The following DOK4 variants were observed in gnomAD, a reference collection of about 807,000 sequenced individuals.
The protein encoded by DOK4 is downstream of tyrosine kinase 4.
In DOK4, 26 loss-of-function variants were observed where a neutral mutation model predicts 40.1. The observed-to-expected ratio is 0.65, with a 90% CI of 0.48 to 0.90. The LOEUF is 0.90. Ranked by LOEUF, DOK4 falls within the 40% of genes least tolerant of loss-of-function variation. The probability of loss-of-function intolerance (pLI) is 0.00; values close to 1 mark genes in which losing one functional copy is unlikely to be tolerated. For synonymous variants in DOK4, 179 were observed against 177.0 expected, an observed-to-expected ratio of 1.01 and a Z score of -0.09; for missense variants, 392 against 437.2, an observed-to-expected ratio of 0.90 and a Z score of 0.92.
In DOK4 at chr16:57,475,837, C is replaced by T. The variant is rs770882184; in HGVS notation, c.174+13G>A. The stretch of plus-strand genomic sequence containing the variant: ...CCTGCCACTTGGGGGAGCTAGGGCC[C>T]AGGCCTCCTAACCTTGGGGCAGCCC... On this transcript the variant is annotated intron_variant, in intron 3 of 8. Coordinates refer to ENST00000340099, the Ensembl canonical transcript of DOK4. 9.9e-6 allele frequency: 16 copies of T among 1,609,576 alleles called. No homozygotes were observed. In the South Asian group the frequency reaches 1.8e-4, roughly 18 times the overall value.
At position 57,479,348 on chromosome 16, in the gene DOK4, C is replaced by T; in HGVS notation, c.66+94G>A. 2.2e-6 allele frequency: 3 copies of T among 1,389,440 alleles called. 1 individual carries two copies. The South Asian group carries it at 3.7e-5, about 17-fold the overall frequency. 86.1% of individuals were successfully genotyped at this position (1,389,440 alleles called of 1,614,324 possible). The stretch of plus-strand genomic sequence containing the variant: ...ACGATGCCCGGCAGCCGGAGGGCAG[C>T]CGCGTGCCCCACGCGCCATGCCTCC... On this transcript the variant is annotated intron_variant, in intron 2 of 8. Transcript: ENST00000340099. This position sits in a 1 kb window ranked among gnomAD's most constrained non-coding sequence, Gnocchi z 5.8.
chr16:57,476,782 AC>A (rs2031199789), intron 2 of DOK4, among the ~76,000 whole-genome samples: 2 of 152,144 alleles, frequency 1.3e-5, no homozygotes, highest in Non-Finnish European at 2.9e-5. Context: ...ATGCCCCTGT[AC>A]CTTAAACTAC....
chr16:57,475,276 GCC>G lies in DOK4; in HGVS notation c.290-59_290-58del. On this transcript the variant is annotated intron_variant, in intron 4 of 8. Coordinates refer to ENST00000340099, the Ensembl canonical transcript of DOK4. The stretch of plus-strand genomic sequence containing the variant: ...CAGAGCCCGGTAGCCCACCCCGTCT[GCC>G]CAGCCTGACTTATGCCACCATGCAC... The G allele has an allele frequency of 2.5e-6, 4 of 1,582,500 alleles. No individual in the cohort carries two copies. The South Asian group carries it at 4.6e-5, about 18-fold the overall frequency.
intron 1 of DOK4, among the ~76,000 whole-genome samples, chr16:57,483,062 C>T (rs2031460068): frequency 6.6e-6 from 1 of 152,194 alleles, no homozygotes. Context: ...TCACTCCGGC[C>T]CTGAGTCACA....
chr16:57,486,521 G>C (rs1400013931), upstream of DOK4: 1 of 151,446 alleles, frequency 6.6e-6, no homozygotes, highest in Non-Finnish European at 1.5e-5. Flanking sequence ...GCCAGGTCTC[G>C]CCGCTGCGCC....
chr16:57,479,731 T>C lies in DOK4; in HGVS notation c.-181-43A>G, dbSNP rs542833683. On this transcript the variant is annotated intron_variant, in intron 1 of 8. Transcript: ENST00000340099. The surrounding 1 kb of genome is among the most constrained non-coding windows in gnomAD (Gnocchi z 5.8). ...AGGGAGATTAGAGACAGTGACATCT[T>C]TCTCTTCCTCTCGCTGTCTCGCTCT... 3 of 485,314 alleles carry C rather than the reference T, an allele frequency of 6.2e-6. No individual in the cohort carries two copies. The allele number at this position is 485,314 out of a possible 1,614,324, so 30.1% of individuals were successfully genotyped here.
chr16:57,474,088 T>TG (rs1195958334), intron 6 of DOK4, 49 bp from the exon 7 acceptor site: 1 of 1,606,800 alleles, frequency 6.2e-7, no homozygotes, highest in Non-Finnish European at 8.5e-7. Context: ...ACCACAGACA[T>TG]GCATGTGATT....
intron 1 of DOK4, among the ~76,000 whole-genome samples, chr16:57,480,604 T>A (rs2031380237): frequency 6.6e-6 from 1 of 151,998 alleles, no homozygotes; most frequent in South Asian, 2.1e-4. Flanking sequence ...GTCCTGAGCA[T>A]GGGCAGGAGT....
exon 3 of DOK4, chr16:57,475,950 C>T (rs759446520): frequency 8.1e-6 from 13 of 1,612,678 alleles, no homozygotes; most frequent in African/African-American, 8.0e-5. Flanking sequence ...CCAGCACCTC[C>T]GGTAGATCTG....
Position 57,479,501 on chromosome 16 carries a change from T to G in DOK4, c.7A>C (p.Thr3Pro). The change falls in exon 2 of 9, where the codon ACC becomes CCC. Residue 3 changes from threonine (T) to proline (P), a missense_variant. Physicochemically the swap from Thr to Pro is conservative, Grantham distance 38. Coordinates refer to ENST00000340099, the Ensembl canonical transcript of DOK4. The surrounding 1 kb of genome is among the most constrained non-coding windows in gnomAD (Gnocchi z 5.8). ...TGCTTGACGATGTCACTGAAATTGG[T>G]CGCCATGGTTTTCCCACCTTTTAGG... is the stretch of plus-strand genomic sequence containing the variant. 1 of 1,613,560 alleles carries G rather than the reference T, an allele frequency of 6.2e-7. No homozygotes were observed. The highest frequency in any genetic ancestry group is 8.5e-7 in the Non-Finnish European group (1 of 1,179,864).
At chr16:57,473,677 C>T (rs775166583) in exon 8 of DOK4, 27 of 1,614,070 alleles carry the variant, frequency 1.7e-5, no homozygotes, top group South Asian at 5.5e-5. Context: ...AGGCACTGCG[C>T]GGCAGCATGG....
In DOK4 at chr16:57,475,197, G is replaced by C; in HGVS notation, c.312C>G (p.Tyr104Ter). The C allele has an allele frequency of 1.2e-6, 2 of 1,613,806 alleles. No individual in the cohort carries two copies. The highest frequency in any genetic ancestry group is 1.7e-6 in the Non-Finnish European group (2 of 1,179,888). ...CCAGACACTCCACAGATAGTGTCTTGTACCACTCCTCTGCCTCTAGCTCTG... is the reference window on the plus strand; with the variant it reads ...CCAGACACTCCACAGATAGTGTCTTCTACCACTCCTCTGCCTCTAGCTCTG... Residue 104 changes from tyrosine (Y) to a stop codon, truncating the protein, a stop_gained, in exon 5 of 9, where the codon TAC (tyrosine) becomes TAG (stop). Coordinates refer to ENST00000340099, the Ensembl canonical transcript of DOK4. LOFTEE classifies it high-confidence loss of function.
intron 1 of DOK4, among the ~76,000 whole-genome samples, chr16:57,482,363 GTT>G (rs11390639): frequency 2.0e-4 from 19 of 93,034 alleles, no homozygotes; most frequent in Admixed American, 7.7e-4. Flanking sequence ...TGGGGCTTTT[GTT>G]TTTTTTTTTT....
chr16:57,475,048 T>C (rs477025), intron 5 of DOK4, 52 bp downstream of exon 5: 805,550 of 1,590,160 alleles, frequency 0.51, 206,236 homozygotes, highest in Non-Finnish European at 0.53. Flanking sequence ...CTCCCTCCCT[T>C]CCTCTCTTCC....
exon 9 of DOK4, chr16:57,472,981 G>C (rs2030935173): frequency 5.8e-6 from 1 of 172,864 alleles, no homozygotes; most frequent in Non-Finnish European, 1.2e-5. Flanking sequence ...GGCAGCAGGA[G>C]GGCTGTGCCA....
At chr16:57,486,199 C>G (rs545183335) in intron 1 of DOK4, 106 bp downstream of exon 1, 1 of 152,310 alleles carries the variant, frequency 6.6e-6, no homozygotes, top group Admixed American at 6.5e-5. Context: ...GGAGCGTCCT[C>G]AGGTTCAGGA....
chr16:57,479,679 C>G lies in DOK4; in HGVS notation c.-172G>C. 1 of 573,840 alleles carries G rather than the reference C, an allele frequency of 1.7e-6. No individual in the cohort carries two copies. The highest frequency in any genetic ancestry group is 3.1e-6 in the Non-Finnish European group (1 of 326,480). 35.5% of individuals were successfully genotyped at this position (573,840 alleles called of 1,614,324 possible). ...AGCATTGTTCTAGCAGCTCCTTCGC[C>G]CCGCGCCTGCTGGAAATAAAAATGA... On this transcript the variant is annotated 5_prime_UTR_variant, in exon 2 of 9. Coordinates refer to ENST00000340099, the Ensembl canonical transcript of DOK4. The surrounding 1 kb of genome is among the most constrained non-coding windows in gnomAD (Gnocchi z 5.8).
At chr16:57,473,287 C>T (rs1331168929) in exon 9 of DOK4, 121 of 1,490,230 alleles carry the variant, frequency 8.1e-5, no homozygotes, top group Non-Finnish European at 1.1e-4. Flanking sequence ...GGCTCTTGGC[C>T]GACAGCCCCC....
At position 57,479,744 on chromosome 16, in the gene DOK4, G is replaced by T. The variant is rs531892465; in HGVS notation, c.-181-56C>A. ...ACAGTGACATCTTTCTCTTCCTCTC[G>T]CTGTCTCGCTCTCTTTTTTCCTTCC... On this transcript the variant is annotated intron_variant, in intron 1 of 8. Coordinates refer to ENST00000340099, the Ensembl canonical transcript of DOK4. The surrounding 1 kb of genome is among the most constrained non-coding windows in gnomAD (Gnocchi z 5.8). 5.6e-4 allele frequency: 251 copies of T among 449,910 alleles called. 2 individuals carry two copies. In the South Asian group the frequency reaches 7.3e-3, roughly 13 times the overall value. The allele number at this position is 449,910 out of a possible 1,614,324, so 27.9% of individuals were successfully genotyped here.
Sources: allele counts gnomAD v4.1 joint callset (sites outside exome capture counted in the v4.1 genomes callset), GRCh38; gene constraint gnomAD v4.1.1; non-coding constraint Gnocchi (gnomAD v3.1); transcripts MANE v1.5; gene names NCBI Gene and HGNC (gene_info 2026-07-23, HGNC 2026-07-21).